The following CCDC25 variants were observed in gnomAD, a reference collection of about 807,000 sequenced individuals.
CCDC25 encodes the protein coiled-coil domain-containing protein 25.
A neutral mutation model predicts 35.3 loss-of-function variants in CCDC25; 16 were observed. The ratio of observed to expected loss-of-function variants is 0.45; its 90% CI spans 0.31 to 0.69. The LOEUF (loss-of-function observed/expected upper bound fraction) is 0.69, where lower values mean the gene tolerates loss of function less well. CCDC25 is among the 30% of genes least tolerant of loss of function. The probability of loss-of-function intolerance (pLI) is 0.06; values close to 1 mark genes in which losing one functional copy is unlikely to be tolerated. For synonymous variants in CCDC25, 79 were observed against 80.3 expected (o/e 0.98, Z 0.09); for missense variants, 179 against 250.7 (o/e 0.71, Z 1.93).
At chr8:27,755,017 G>A (rs1420278824) in intron 4 of CCDC25, among the ~76,000 whole-genome samples, 1 of 152,168 alleles carries the variant, frequency 6.6e-6, no homozygotes, top group Non-Finnish European at 1.5e-5. Context: ...CCAGAGCCCA[G>A]ATCTTTTTAA....
intron 3 of CCDC25, among the ~76,000 whole-genome samples, chr8:27,758,674 C>A (rs1391801939): frequency 6.6e-6 from 1 of 152,176 alleles, no homozygotes; most frequent in Non-Finnish European, 1.5e-5. Context: ...AGTAACTTTA[C>A]CCATTCCAAC....
chr8:27,750,577 C>T (rs1441990931), intron 5 of CCDC25, among the ~76,000 whole-genome samples: 1 of 152,068 alleles, frequency 6.6e-6, no homozygotes, highest in Non-Finnish European at 1.5e-5. Context: ...ACAATACAAG[C>T]CAGGTGCAAG....
intron 7 of CCDC25, among the ~76,000 whole-genome samples, chr8:27,746,399 C>G (rs186303508): frequency 2.1e-4 from 32 of 152,278 alleles, no homozygotes; most frequent in Non-Finnish European, 3.8e-4. Context: ...CAGTGTTTGG[C>G]AGATGGAAAA....
intron 4 of CCDC25, among the ~76,000 whole-genome samples, chr8:27,753,835 C>G (rs1193489484): frequency 1.3e-5 from 2 of 152,168 alleles, no homozygotes. Flanking sequence ...TTTCCTTCAC[C>G]ATATAGTCCT....
At chr8:27,764,765 C>A (rs780386751) in intron 2 of CCDC25, among the ~76,000 whole-genome samples, 46 of 152,286 alleles carry the variant, frequency 3.0e-4, no homozygotes, top group Middle Eastern at 3.4e-3. Flanking sequence ...CTCCACAAAG[C>A]CTTCTCAGCT....
At chr8:27,752,068 G>C (rs1454352019) in intron 5 of CCDC25, among the ~76,000 whole-genome samples, 1 of 152,180 alleles carries the variant, frequency 6.6e-6, no homozygotes, top group African/African-American at 2.4e-5. Flanking sequence ...GAAAGAAAAA[G>C]TAGAGAAGCA....
chr8:27,748,527 C>T lies in CCDC25; in HGVS notation c.316G>A (p.Val106Met). 1 of 1,613,116 alleles carries T rather than the reference C, an allele frequency of 6.2e-7. No homozygotes were observed. ...SNLKKTADMD[V>M]GQIGFHRQKD... is the part of the protein sequence containing the mutation. ...TGCCTGTGAAAGCCTATCTGCCCCA[C>T]ATCCATGTCAGCTGTTTTCTTCAGG... The change falls in exon 6 of 9, where the codon GTG (valine) becomes ATG (methionine). Residue 106 changes from valine (V) to methionine (M), a missense_variant. By Grantham distance (21) the Val-to-Met change is conservative. Coordinates refer to ENST00000356537, the MANE Select transcript of CCDC25 (RefSeq NM_018246.3).
At chr8:27,746,750 C>CA (rs1465212222) in intron 7 of CCDC25, among the ~76,000 whole-genome samples, 2 of 152,248 alleles carry the variant, frequency 1.3e-5, no homozygotes, top group Non-Finnish European at 2.9e-5. Flanking sequence ...GATTGTAACT[C>CA]AGGGTAACAT....
At chr8:27,763,289 T>C (rs1804288378) in intron 2 of CCDC25, among the ~76,000 whole-genome samples, 1 of 152,218 alleles carries the variant, frequency 6.6e-6, no homozygotes, top group Admixed American at 6.5e-5. Context: ...TCGCTCAAAG[T>C]GAATGCACAT....
intron 8 of CCDC25, among the ~76,000 whole-genome samples, chr8:27,738,693 G>C (rs892906011): frequency 6.6e-6 from 1 of 151,998 alleles, no homozygotes; most frequent in Non-Finnish European, 1.5e-5. Context: ...AGAATAAAAT[G>C]ACTAAGGTCA....
At chr8:27,749,901 A>G (rs1036431646) in intron 5 of CCDC25, among the ~76,000 whole-genome samples, 4 of 152,242 alleles carry the variant, frequency 2.6e-5, no homozygotes, top group African/African-American at 9.6e-5. Flanking sequence ...GCAATATATA[A>G]AGCAAATAAA....
intron 1 of CCDC25, among the ~76,000 whole-genome samples, chr8:27,768,426 G>A (rs1034431895): frequency 5.9e-5 from 9 of 151,974 alleles, no homozygotes; most frequent in Admixed American, 2.0e-4. Flanking sequence ...TTAGTCAGCC[G>A]TAGTAGCACA....
chr8:27,744,537 G>A (rs1277828376), intron 7 of CCDC25, among the ~76,000 whole-genome samples: 1 of 152,138 alleles, frequency 6.6e-6, no homozygotes, highest in Non-Finnish European at 1.5e-5. Flanking sequence ...ATTAGTTACT[G>A]GTCTCACCAT....
intron 7 of CCDC25, among the ~76,000 whole-genome samples, chr8:27,742,988 T>C (rs1803492029): frequency 6.6e-6 from 1 of 152,168 alleles, no homozygotes; most frequent in African/African-American, 2.4e-5. Context: ...TCAAGGGTAT[T>C]TTCAGATTCT....
chr8:27,770,391 C>CA (rs1217859648), intron 1 of CCDC25, among the ~76,000 whole-genome samples: 43 of 152,226 alleles, frequency 2.8e-4, no homozygotes, highest in Non-Finnish European at 5.0e-4. Context: ...CGTGCCACTG[C>CA]ACTCTAGCCT....
chr8:27,748,305 A>G (rs1585350388), intron 6 of CCDC25, 26 bp from the exon 7 acceptor site: 1 of 1,588,964 alleles, frequency 6.3e-7, no homozygotes, highest in Non-Finnish European at 8.6e-7. Context: ...GAGAAAAGAT[A>G]TTGCATCTTT....
intron 7 of CCDC25, among the ~76,000 whole-genome samples, chr8:27,741,044 G>T (rs1241733358): frequency 6.6e-6 from 1 of 152,162 alleles, no homozygotes; most frequent in Non-Finnish European, 1.5e-5. Flanking sequence ...GACAGAGATG[G>T]TATCTTTAAT....
Position 27,737,858 on chromosome 8 carries a change from A to T in CCDC25, c.598-1613T>A, listed in dbSNP as rs1200930524. ...CCCATCAATCAACGAGTGGATAAAGAAACTGTGGTGTGTGTATACACACAC... is the reference window on the plus strand; with the variant it reads ...CCCATCAATCAACGAGTGGATAAAGTAACTGTGGTGTGTGTATACACACAC... On this transcript the variant is annotated intron_variant, in intron 8 of 8. Transcript: ENST00000356537. This position sits in a 1 kb window ranked among gnomAD's most constrained non-coding sequence, Gnocchi z 4.6. 1.4e-5 allele frequency among the ~76,000 whole-genome samples: 2 copies of T among 147,780 alleles called. No individual in the cohort carries two copies. Among genetic ancestry groups the T allele is most frequent in the Admixed American group, 1.4e-4 (2 of 14,446 alleles).
At chr8:27,766,017 C>T (rs566584187) in intron 1 of CCDC25, among the ~76,000 whole-genome samples, 142 of 152,330 alleles carry the variant, frequency 9.3e-4, no homozygotes, top group African/African-American at 3.2e-3. Context: ...ATGATATTTG[C>T]TTTACCAAGG....
Sources: allele counts gnomAD v4.1 joint callset (sites outside exome capture counted in the v4.1 genomes callset), GRCh38; gene constraint gnomAD v4.1.1; non-coding constraint Gnocchi (gnomAD v3.1); transcripts MANE v1.5; gene names NCBI Gene and HGNC (gene_info 2026-07-23, HGNC 2026-07-21).